Variants in GTF2F2 observed in about 807,000 individuals in gnomAD.
The protein encoded by GTF2F2 is general transcription factor IIF subunit 2.
Under a neutral mutation model 42.2 loss-of-function variants are expected in GTF2F2, and 23 were observed. The observed-to-expected ratio is 0.55, with a 90% CI of 0.39 to 0.77. The LOEUF (loss-of-function observed/expected upper bound fraction) is 0.77. Among genes scored for constraint, GTF2F2 ranks in the 30% least tolerant of loss-of-function variants. The pLI, the probability that GTF2F2 is intolerant of heterozygous loss-of-function variation, is 0.00. For missense variants in GTF2F2, 261 were observed against 287.2 expected (o/e 0.91, Z 0.66); for synonymous variants, 105 against 100.8 (o/e 1.04, Z -0.25).
intron 5 of GTF2F2, among the ~76,000 whole-genome samples, chr13:45,241,187 AT>A (rs1206952095): frequency 1.8e-4 from 13 of 72,926 alleles, no homozygotes; most frequent in African/African-American, 1.3e-3. Flanking sequence ...AATATAAAAT[AT>A]ATATATATAT....
chr13:45,258,169 T>C (rs1876179516), intron 6 of GTF2F2, among the ~76,000 whole-genome samples: 1 of 152,044 alleles, frequency 6.6e-6, no homozygotes, highest in Non-Finnish European at 1.5e-5. Context: ...AAATATGGCT[T>C]GTCATGCCCT....
At chr13:45,218,878 ACCTGACT>A (rs888377633) in intron 5 of GTF2F2, among the ~76,000 whole-genome samples, 2 of 152,178 alleles carry the variant, frequency 1.3e-5, no homozygotes, top group African/African-American at 4.8e-5. Flanking sequence ...GTACAGGAAC[ACCTGACT>A]CCTAAGTGTG....
At chr13:45,142,611 G>C (rs1869986578) in intron 2 of GTF2F2, among the ~76,000 whole-genome samples, 1 of 152,150 alleles carries the variant, frequency 6.6e-6, no homozygotes, top group Non-Finnish European at 1.5e-5. Flanking sequence ...CACATAATCA[G>C]TCTTGTAGAA....
chr13:45,145,928 C>T (rs1042838953), intron 2 of GTF2F2, among the ~76,000 whole-genome samples: 2 of 152,172 alleles, frequency 1.3e-5, no homozygotes, highest in South Asian at 2.1e-4. Context: ...GGTCCAGCAT[C>T]CTGTTTCAGG....
chr13:45,230,779 C>T (rs1015511435), intron 5 of GTF2F2, among the ~76,000 whole-genome samples: 4 of 152,162 alleles, frequency 2.6e-5, no homozygotes, highest in Non-Finnish European at 5.9e-5. Flanking sequence ...GGTCACAATA[C>T]CACTACCATC....
chr13:45,186,037 C>T lies in GTF2F2; in HGVS notation c.305-21387C>T, dbSNP rs538211549. ...TAGCCCAGGCTGGAGTGCAGTGGCACGATCTCGGCTCACTGCAACCTCTGC... is the reference window on the plus strand; with the variant it reads ...TAGCCCAGGCTGGAGTGCAGTGGCATGATCTCGGCTCACTGCAACCTCTGC... On this transcript the variant is annotated intron_variant, in intron 4 of 7. Transcript: ENST00000340473. Among the ~76,000 whole-genome samples the T allele has an allele frequency of 9.9e-5, 15 of 151,950 alleles. No individual in the cohort carries two copies. The South Asian group carries it at 2.5e-3, about 25-fold the overall frequency.
chr13:45,127,040 A>G (rs1869044418), intron 1 of GTF2F2, among the ~76,000 whole-genome samples: 1 of 152,264 alleles, frequency 6.6e-6, no homozygotes. Flanking sequence ...GAAACCATAT[A>G]TACTGTCATT....
chr13:45,235,593 TC>T (rs1874929388), intron 5 of GTF2F2, among the ~76,000 whole-genome samples: 1 of 151,872 alleles, frequency 6.6e-6, no homozygotes, highest in Non-Finnish European at 1.5e-5. Context: ...CTTTCCTTTT[TC>T]TTTTTTTTTT....
At chr13:45,274,659 G>C (rs181844038) in intron 7 of GTF2F2, among the ~76,000 whole-genome samples, 9 of 152,200 alleles carry the variant, frequency 5.9e-5, no homozygotes, top group Non-Finnish European at 1.0e-4. Flanking sequence ...GTGTAGTTCA[G>C]GCCAGATGTG....
At position 45,240,566 on chromosome 13, in the gene GTF2F2, A is replaced by G. The variant is rs546917990; in HGVS notation, c.387-12305A>G. Among the ~76,000 whole-genome samples, 21 of 152,304 alleles carry G rather than the reference A, an allele frequency of 1.4e-4. No homozygotes were observed. The East Asian group carries it at 2.7e-3, about 20-fold the overall frequency. Reference sequence around the variant, plus strand: ...TTACTGGCCGGGCAGAGTGGCTCACACCTGTAATCCCAGCACTTTGGGAGG... The same window carrying G: ...TTACTGGCCGGGCAGAGTGGCTCACGCCTGTAATCCCAGCACTTTGGGAGG... On this transcript the variant is annotated intron_variant, in intron 5 of 7. Transcript: ENST00000340473.
intron 5 of GTF2F2, among the ~76,000 whole-genome samples, chr13:45,238,617 A>G (rs1466707651): frequency 1.3e-5 from 2 of 151,772 alleles, no homozygotes; most frequent in East Asian, 3.9e-4. Flanking sequence ...TTCATAAAGT[A>G]GCATGACACA....
rs78032632 is a variant in GTF2F2, at chr13:45,148,495, C to T, written c.141-1275C>T. Among the ~76,000 whole-genome samples the T allele has an allele frequency of 2.2e-4, 34 of 152,222 alleles. No individual in the cohort carries two copies. In the East Asian group the frequency reaches 6.2e-3, roughly 28 times the overall value. On this transcript the variant is annotated intron_variant, in intron 2 of 7. Transcript: ENST00000340473. Reference sequence around the variant, plus strand: ...AATTCTCACTTCTGGTACTGTATTTCCCCACTTCAACTTATTGCAATCTTA... The same window carrying T: ...AATTCTCACTTCTGGTACTGTATTTTCCCACTTCAACTTATTGCAATCTTA...
intron 4 of GTF2F2, among the ~76,000 whole-genome samples, chr13:45,166,958 T>A (rs1457302325): frequency 6.6e-6 from 1 of 152,196 alleles, no homozygotes; most frequent in Non-Finnish European, 1.5e-5. Context: ...CATGTTTAAG[T>A]TCTGAAAGAA....
chr13:45,251,766 C>T (rs1394481205), intron 5 of GTF2F2, among the ~76,000 whole-genome samples: 1 of 151,814 alleles, frequency 6.6e-6, no homozygotes, highest in Non-Finnish European at 1.5e-5. Context: ...AGCTTTTGTC[C>T]AAAAATGCTT....
At chr13:45,280,880 G>A (rs1877234151) in intron 7 of GTF2F2, among the ~76,000 whole-genome samples, 1 of 152,166 alleles carries the variant, frequency 6.6e-6, no homozygotes, top group South Asian at 2.1e-4. Context: ...TTGACCCATT[G>A]CAGTGCATCC....
At chr13:45,171,728 G>T (rs1386954286) in intron 4 of GTF2F2, among the ~76,000 whole-genome samples, 2 of 152,094 alleles carry the variant, frequency 1.3e-5, no homozygotes, top group African/African-American at 4.8e-5. Flanking sequence ...CATCTCAAAA[G>T]AAACCCACAC....
chr13:45,172,944 C>T (rs1488330850), intron 4 of GTF2F2, among the ~76,000 whole-genome samples: 3 of 151,996 alleles, frequency 2.0e-5, no homozygotes, highest in Non-Finnish European at 4.4e-5. Flanking sequence ...CTGAGTCCCT[C>T]AAGTTTGCAT....
chr13:45,226,306 TCTTAA>T (rs772633785), intron 5 of GTF2F2, among the ~76,000 whole-genome samples: 40 of 152,342 alleles, frequency 2.6e-4, no homozygotes, highest in Middle Eastern at 3.4e-3. Context: ...TGTAGCTACC[TCTTAA>T]CTTAACTTTC....
intron 6 of GTF2F2, 71 bp from the exon 7 acceptor site, chr13:45,267,162 A>G (rs1029338360): frequency 1.9e-5 from 25 of 1,318,272 alleles, no homozygotes; most frequent in African/African-American, 1.6e-4. Context: ...AAAAAAAAAA[A>G]AGAGAATGCC....
Sources: allele counts gnomAD v4.1 joint callset (sites outside exome capture counted in the v4.1 genomes callset), GRCh38; gene constraint gnomAD v4.1.1; transcripts MANE v1.5; gene names NCBI Gene and HGNC (gene_info 2026-07-23, HGNC 2026-07-21).